FBXO31: variants seen among roughly 807,000 people sequenced by gnomAD.
The protein encoded by FBXO31 is F-box protein 31.
Under a neutral mutation model 54.4 loss-of-function variants are expected in FBXO31, and 24 were observed. The observed-to-expected ratio is 0.44, with a 90% confidence interval of 0.32 to 0.62. The LOEUF is 0.62. Ranked by LOEUF, FBXO31 falls within the 20% of genes least tolerant of loss-of-function variation. FBXO31 has a pLI of 0.05. For synonymous variants in FBXO31, 388 were observed against 335.6 expected, an observed-to-expected ratio of 1.16 and a Z score of -1.71; for missense variants, 665 against 787.1, an observed-to-expected ratio of 0.84 and a Z score of 1.86.
intron 1 of FBXO31, among the ~76,000 whole-genome samples, chr16:87,373,839 CA>C (rs1282991566): frequency 6.6e-6 from 1 of 152,208 alleles, no homozygotes; most frequent in East Asian, 1.9e-4. Context: ...CTTTCTTCTG[CA>C]TTCAAAAACA....
chr16:87,342,866 G>A lies in FBXO31; in HGVS notation c.732+11C>T, dbSNP rs1489838284. On this transcript the variant is annotated intron_variant, in intron 5 of 8. Coordinates refer to ENST00000311635, the MANE Select transcript of FBXO31 (RefSeq NM_024735.5). ...GCACCATATGAACACAGGGCCGGCT[G>A]GTGGGCTCACCTCCTGCCTCCCGCC... 2.5e-6 allele frequency: 4 copies of A among 1,592,616 alleles called. No homozygotes were observed. Among genetic ancestry groups the A allele is most frequent in the African/African-American group, 1.3e-5 (1 of 74,758 alleles).
intron 1 of FBXO31, among the ~76,000 whole-genome samples, chr16:87,372,603 C>T (rs1280588417): frequency 6.6e-6 from 1 of 152,138 alleles, no homozygotes; most frequent in Non-Finnish European, 1.5e-5. Flanking sequence ...CTCCATCACT[C>T]AGGCTGGAGT....
chr16:87,387,883 G>A (rs939250988), upstream of FBXO31, among the ~76,000 whole-genome samples: 1 of 152,146 alleles, frequency 6.6e-6, no homozygotes, highest in Admixed American at 6.5e-5. Flanking sequence ...TGAAAAAATG[G>A]GATCTTACCC....
At chr16:87,360,190 A>G in intron 2 of FBXO31, 105 bp downstream of exon 2, 1 of 1,104,118 alleles carries the variant, frequency 9.1e-7, no homozygotes, top group Non-Finnish European at 1.4e-6. Context: ...GGTGTCTGAG[A>G]AAACAAAAGT....
chr16:87,360,264 A>C, intron 2 of FBXO31, 31 bp downstream of exon 2: 2 of 1,597,530 alleles, frequency 1.3e-6, no homozygotes, highest in Admixed American at 1.7e-5. Flanking sequence ...TACAAAGTTA[A>C]TCATGGATGG....
rs78240823 is a variant in FBXO31, at chr16:87,335,788, G to T, written c.843-331C>A. The stretch of plus-strand genomic sequence containing the variant: ...CCAAGTCACCATGGAGGGGATCCCC[G>T]CACTGGGCTGAGCGGGGCTGAGCTC... On this transcript the variant is annotated intron_variant, in intron 6 of 8. Coordinates refer to ENST00000311635, the MANE Select transcript of FBXO31 (RefSeq NM_024735.5). This position sits in a 1 kb window ranked among gnomAD's most constrained non-coding sequence, Gnocchi z 5.7. Among the ~76,000 whole-genome samples, 1 of 152,158 alleles carries T rather than the reference G, an allele frequency of 6.6e-6. No individual in the cohort carries two copies.
At chr16:87,350,104 A>G (rs1905582961) in intron 2 of FBXO31, among the ~76,000 whole-genome samples, 2 of 152,042 alleles carry the variant, frequency 1.3e-5, no homozygotes, top group South Asian at 4.1e-4. Context: ...GTGTGACTGG[A>G]CGAATGGGCA....
chr16:87,374,532 C>T (rs1906740997), intron 1 of FBXO31, among the ~76,000 whole-genome samples: 1 of 152,204 alleles, frequency 6.6e-6, no homozygotes, highest in African/African-American at 2.4e-5. Context: ...GCCGGACAGT[C>T]CTAAGCCCGA....
At chr16:87,369,362 C>T (rs1044467389) in intron 1 of FBXO31, among the ~76,000 whole-genome samples, 8 of 152,102 alleles carry the variant, frequency 5.3e-5, no homozygotes, top group Admixed American at 2.6e-4. Flanking sequence ...GCCCCGTCCT[C>T]GGCACCCACC....
intron 2 of FBXO31, among the ~76,000 whole-genome samples, chr16:87,354,210 C>A (rs991536488): frequency 2.0e-5 from 3 of 152,344 alleles, no homozygotes; most frequent in African/African-American, 7.2e-5. Context: ...CGGTGGCTCA[C>A]GCCTGTAATC....
At chr16:87,334,522 G>A (rs1904981012) in intron 7 of FBXO31, among the ~76,000 whole-genome samples, 1 of 152,242 alleles carries the variant, frequency 6.6e-6, no homozygotes, top group Admixed American at 6.5e-5. Flanking sequence ...TGCGCCCAGA[G>A]AAGTTCAAAG....
In FBXO31 at chr16:87,355,699, G is replaced by A. The variant is rs546735344; in HGVS notation, c.412+4596C>T. Reference sequence around the variant, plus strand: ...AAGCCGCCAGCTCGAAGCAACTGGCGCTACATCACAATAGGAGGCTGCGCA... The same window carrying A: ...AAGCCGCCAGCTCGAAGCAACTGGCACTACATCACAATAGGAGGCTGCGCA... On this transcript the variant is annotated intron_variant, in intron 2 of 8. Transcript: ENST00000311635. Among the ~76,000 whole-genome samples the A allele has an allele frequency of 1.5e-4, 23 of 152,272 alleles. No individual in the cohort carries two copies. In the South Asian group the frequency reaches 4.1e-3, roughly 27 times the overall value.
chr16:87,341,537 G>A (rs143860704), intron 5 of FBXO31, among the ~76,000 whole-genome samples: 2 of 151,288 alleles, frequency 1.3e-5, no homozygotes, highest in African/African-American at 2.4e-5. Context: ...GTGCCTCTAA[G>A]CCCAGCTCCT....
chr16:87,387,065 G>A (rs2150704023), upstream of FBXO31, among the ~76,000 whole-genome samples: 1 of 152,238 alleles, frequency 6.6e-6, no homozygotes, highest in East Asian at 1.9e-4. Flanking sequence ...TTGGGAGGCT[G>A]AGCAGGGAAG....
chr16:87,351,457 A>G (rs894069850), intron 2 of FBXO31, among the ~76,000 whole-genome samples: 1 of 152,180 alleles, frequency 6.6e-6, no homozygotes, highest in Non-Finnish European at 1.5e-5. Flanking sequence ...AGTGCCCCAC[A>G]AGGCTCCTGA....
chr16:87,331,581 C>A, intron 8 of FBXO31, 71 bp from the exon 9 acceptor site: 3 of 1,284,950 alleles, frequency 2.3e-6, no homozygotes, highest in Non-Finnish European at 3.2e-6. Context: ...GTACAGCATT[C>A]TGCGACCCCG....
chr16:87,344,689 C>T (rs1218428777), intron 3 of FBXO31, among the ~76,000 whole-genome samples: 1 of 152,142 alleles, frequency 6.6e-6, no homozygotes, highest in Non-Finnish European at 1.5e-5. Context: ...AAACAATTAC[C>T]CTTCCTCCAC....
chr16:87,382,627 A>T (rs1441617375), intron 1 of FBXO31, among the ~76,000 whole-genome samples: 1 of 151,964 alleles, frequency 6.6e-6, no homozygotes, highest in African/African-American at 2.4e-5. Flanking sequence ...CTACTCCCGT[A>T]ATTTTTTTTG....
rs149983037 is a variant in FBXO31 at position 87,369,598 on chromosome 16, C to T, written c.341-9232G>A. On this transcript the variant is annotated intron_variant, in intron 1 of 8. Coordinates refer to ENST00000311635, the MANE Select transcript of FBXO31 (RefSeq NM_024735.5). ...CATGGATGAGCACCTGGGATGGCTCCGCCTTTTGGCTACTGTGAATAAAAC... is the reference window on the plus strand; with the variant it reads ...CATGGATGAGCACCTGGGATGGCTCTGCCTTTTGGCTACTGTGAATAAAAC... 4.4e-3 allele frequency among the ~76,000 whole-genome samples: 675 copies of T among 152,298 alleles called. 7 individuals are homozygous for T. Among genetic ancestry groups the T allele is most frequent in the Non-Finnish European group, 7.0e-3 (478 of 68,028 alleles).
Sources: allele counts gnomAD v4.1 joint callset (sites outside exome capture counted in the v4.1 genomes callset), GRCh38; gene constraint gnomAD v4.1.1; non-coding constraint Gnocchi (gnomAD v3.1); transcripts MANE v1.5; gene names NCBI Gene and HGNC (gene_info 2026-07-23, HGNC 2026-07-21).